Variants in ZNF337 observed in about 807,000 individuals in gnomAD.
ZNF337 encodes the protein zinc finger protein 337.
A neutral mutation model predicts 12.1 loss-of-function variants in ZNF337; 8 were observed. The observed-to-expected ratio is 0.66, with a 90% CI of 0.39 to 1.19. The LOEUF is 1.19. Among genes scored for constraint, ZNF337 ranks in the 50% most tolerant of loss-of-function variants. The pLI is 0.01. For synonymous variants in ZNF337, 336 were observed against 320.0 expected, an observed-to-expected ratio of 1.05 and a Z score of -0.53; for missense variants, 882 against 896.6, an observed-to-expected ratio of 0.98 and a Z score of 0.21.
At chr20:25,688,685 T>C (rs1340532201) in intron 1 of ZNF337, among the ~76,000 whole-genome samples, 2 of 152,316 alleles carry the variant, frequency 1.3e-5, no homozygotes, top group African/African-American at 2.4e-5. Flanking sequence ...GTTTTTCTCT[T>C]TTGCTCCCTG....
At chr20:25,695,480 C>CA (rs766741980) in intron 1 of ZNF337, among the ~76,000 whole-genome samples, 3 of 152,186 alleles carry the variant, frequency 2.0e-5, no homozygotes, top group Non-Finnish European at 4.4e-5. Flanking sequence ...TAAGTGCCCC[C>CA]ATGAGGTGTA....
rs145288772 is a variant in ZNF337, at chr20:25,676,807, T to C, written c.481A>G (p.Asn161Asp). 422 of 1,614,198 alleles carry C rather than the reference T, an allele frequency of 2.6e-4. 2 individuals carry two copies. In the African/African-American group the frequency reaches 5.3e-3, roughly 20 times the overall value. ...AATACTTTGTCTATTTCTGTAGGAT[T>C]TTCCCTCTGGCCTTGACTAGACTCT... ...EIESSQGQRE[N>D]PTEIDKVLKG... Residue 161 changes from asparagine (N) to aspartate (D), a missense_variant, in exon 5 of 5, where the codon AAT (asparagine) becomes GAT (aspartate). Transcript: ENST00000252979.
intron 1 of ZNF337, among the ~76,000 whole-genome samples, chr20:25,696,087 T>TA (rs1491195722): frequency 7.7e-5 from 4 of 52,106 alleles, no homozygotes; most frequent in Non-Finnish European, 1.2e-4. Flanking sequence ...CCCACGCAGA[T>TA]CCCCCCCCCC....
intron 4 of ZNF337, among the ~76,000 whole-genome samples, chr20:25,684,850 T>C (rs552198481): frequency 6.6e-6 from 1 of 152,162 alleles, no homozygotes; most frequent in South Asian, 2.1e-4. Context: ...CTGGAAACCA[T>C]CATTCTCAGC....
chr20:25,678,350 CAATG>C (rs1388792709), intron 4 of ZNF337, among the ~76,000 whole-genome samples: 1 of 151,958 alleles, frequency 6.6e-6, no homozygotes, highest in African/African-American at 2.4e-5. Context: ...ATGATAAAAA[CAATG>C]AAATAAATAG....
In ZNF337 at chr20:25,675,635, T is replaced by C. The variant is rs1291077947; in HGVS notation, c.1653A>G (p.Lys551=). The C allele has an allele frequency of 6.2e-7, 1 of 1,614,062 alleles. No homozygotes were observed. Among genetic ancestry groups the C allele is most frequent in the Non-Finnish European group, 8.5e-7 (1 of 1,180,004 alleles). The change falls in exon 5 of 5, where the codon AAA becomes AAG. Residue 551 remains lysine (K), a synonymous_variant. Coordinates refer to ENST00000252979, the MANE Select transcript of ZNF337 (RefSeq NM_015655.4). ...EKPFMCKQCE[K]SFSLKANLLR... ...GAAGATTTGCCTTCAAACTAAAACT[T>C]TTCTCACACTGCTTGCACATGAAGG...
chr20:25,674,856 C>A lies in ZNF337; in HGVS notation c.*176G>T. ...ATCTCTGTTCCCTAAACATTGACCT[C>A]TTTTCTCTGAATCTCTTGGGGACAC... On this transcript the variant is annotated 3_prime_UTR_variant, in exon 5 of 5. Transcript: ENST00000252979. 1.6e-6 allele frequency: 1 copy of A among 627,166 alleles called. No homozygotes were observed. The highest frequency in any genetic ancestry group is 2.1e-5 in the South Asian group (1 of 48,262). 38.9% of individuals were successfully genotyped at this position (627,166 alleles called of 1,614,324 possible).
intron 1 of ZNF337, among the ~76,000 whole-genome samples, chr20:25,691,937 C>T (rs1181493921): frequency 6.6e-6 from 1 of 151,954 alleles, no homozygotes; most frequent in East Asian, 1.9e-4. Context: ...TAGGGCCAGG[C>T]AATTAGGTAA....
chr20:25,696,547 C>A (rs1401945244), intron 1 of ZNF337, among the ~76,000 whole-genome samples: 2 of 152,238 alleles, frequency 1.3e-5, no homozygotes, highest in Non-Finnish European at 2.9e-5. Context: ...TGAGTGGCGG[C>A]CCAGACCCGG....
chr20:25,686,636 G>A (rs539653006), intron 1 of ZNF337, 170 bp from the exon 2 acceptor site: 35 of 577,200 alleles, frequency 6.1e-5, no homozygotes, highest in African/African-American at 6.0e-4. Context: ...GCAAATCCAG[G>A]ACAAGCTCAT....
At chr20:25,686,265 A>G (rs547599488) in intron 2 of ZNF337, 126 bp downstream of exon 2, 5 of 1,485,878 alleles carry the variant, frequency 3.4e-6, no homozygotes, top group South Asian at 1.2e-5. Flanking sequence ...GGACGCCAGG[A>G]AAGACAGATC....
intron 4 of ZNF337, among the ~76,000 whole-genome samples, chr20:25,683,731 A>C (rs1373947121): frequency 6.6e-6 from 1 of 152,158 alleles, no homozygotes; most frequent in African/African-American, 2.4e-5. Flanking sequence ...GTGGAGAAAT[A>C]GGAACACTTT....
At chr20:25,692,832 A>C (rs1193080598) in intron 1 of ZNF337, among the ~76,000 whole-genome samples, 1 of 152,232 alleles carries the variant, frequency 6.6e-6, no homozygotes, top group Non-Finnish European at 1.5e-5. Flanking sequence ...CGTATATTTC[A>C]TTAAAATTCT....
intron 1 of ZNF337, among the ~76,000 whole-genome samples, chr20:25,688,610 A>G (rs1250614377): frequency 6.6e-6 from 1 of 152,216 alleles, no homozygotes; most frequent in Admixed American, 6.5e-5. Context: ...ATTTACTGAG[A>G]ATTTTTACCC....
intron 1 of ZNF337, among the ~76,000 whole-genome samples, chr20:25,695,099 C>T (rs2065909843): frequency 1.3e-5 from 2 of 152,058 alleles, no homozygotes; most frequent in South Asian, 4.2e-4. Context: ...GGTGAAACCC[C>T]ATCTCTACTA....
At chr20:25,692,870 T>C (rs2065892900) in intron 1 of ZNF337, among the ~76,000 whole-genome samples, 1 of 152,182 alleles carries the variant, frequency 6.6e-6, no homozygotes, top group Non-Finnish European at 1.5e-5. Flanking sequence ...GCTCCTACAT[T>C]TTTGGGAGAT....
rs761961339 is a variant in ZNF337, at chr20:25,676,460, C to T, written c.828G>A (p.Lys276=). The change falls in exon 5 of 5, where the codon AAG becomes AAA. Residue 276 remains lysine (K), a synonymous_variant. Transcript: ENST00000252979. Reference sequence around the variant, plus strand: ...TTCTCTCATGCACAGTGAGGTATGACTTACTGGTATAGCCTCGTCCACACA... The same window carrying T: ...TTCTCTCATGCACAGTGAGGTATGATTTACTGGTATAGCCTCGTCCACACA... ...CKVCGRGYTS[K]SYLTVHERTH... 7 of 1,613,838 alleles carry T rather than the reference C, an allele frequency of 4.3e-6. No homozygotes were observed. The highest frequency in any genetic ancestry group is 1.3e-5 in the African/African-American group (1 of 74,854).
rs765558594 is a variant in ZNF337, at chr20:25,685,611, A to G, written c.206T>C (p.Val69Ala). 14 of 1,614,012 alleles carry G rather than the reference A, an allele frequency of 8.7e-6. No homozygotes were observed. The highest frequency in any genetic ancestry group is 1.2e-5 in the Non-Finnish European group (14 of 1,180,008). The change falls in exon 4 of 5, where the codon GTG becomes GCG. Residue 69 changes from valine to alanine, a missense_variant. By Grantham distance (64) the Val-to-Ala change is moderately conservative (BLOSUM62 0). Transcript: ENST00000252979. ...ELIRRLEQGE[V>A]PWGEERRRRP... Reference sequence around the variant, plus strand: ...GCGTCTTCTCTCTTCTCCCCAGGGCACTTCCCCTTGCTCTAGCCGCCTGAT... The same window carrying G: ...GCGTCTTCTCTCTTCTCCCCAGGGCGCTTCCCCTTGCTCTAGCCGCCTGAT...
At chr20:25,688,836 G>A (rs567260464) in intron 1 of ZNF337, among the ~76,000 whole-genome samples, 1 of 152,176 alleles carries the variant, frequency 6.6e-6, no homozygotes, top group South Asian at 2.1e-4. Flanking sequence ...TTAAGTAAGG[G>A]TAAGTATCTC....
Sources: allele counts gnomAD v4.1 joint callset (sites outside exome capture counted in the v4.1 genomes callset), GRCh38; gene constraint gnomAD v4.1.1; transcripts MANE v1.5; gene names NCBI Gene and HGNC (gene_info 2026-07-23, HGNC 2026-07-21).